PTPDC1: variants seen among roughly 807,000 people sequenced by gnomAD.
The protein encoded by PTPDC1 is protein tyrosine phosphatase domain containing 1.
PTPDC1 carries 53 observed loss-of-function variants against 75.3 expected under a neutral mutation model. That is an observed-to-expected ratio of 0.70 (90% CI 0.56 to 0.88). PTPDC1 has a LOEUF of 0.88. PTPDC1 is among the 40% of genes least tolerant of loss of function. PTPDC1 has a pLI of 0.00. For missense variants in PTPDC1, 925 were observed against 998.6 expected (o/e 0.93, Z 0.99); for synonymous variants, 349 against 366.2 (o/e 0.95, Z 0.54).
At position 94,098,165 on chromosome 9, in the gene PTPDC1, C is replaced by A; in HGVS notation, c.1599C>A (p.Ile533=). 1 of 1,614,230 alleles carries A rather than the reference C, an allele frequency of 6.2e-7. No homozygotes were observed. The highest frequency in any genetic ancestry group is 8.5e-7 in the Non-Finnish European group (1 of 1,180,042). The change falls in exon 6 of 9, where the codon ATC becomes ATA. Residue 533 remains isoleucine, a synonymous_variant. Coordinates refer to ENST00000620992, the MANE Select transcript of PTPDC1 (RefSeq NM_001253829.2). ...DNGSPIFHGR[I]IPKEAQQSGA... is the part of the protein sequence containing the mutation. ...GGTCACCAATTTTCCATGGAAGGAT[C>A]ATTCCAAAGGAAGCACAGCAGAGTG...
intron 1 of PTPDC1, among the ~76,000 whole-genome samples, chr9:94,055,496 A>G (rs1295356180): frequency 6.6e-6 from 1 of 152,214 alleles, no homozygotes; most frequent in Non-Finnish European, 1.5e-5. Context: ...TATCCAGACT[A>G]TGGAATATTA....
intron 6 of PTPDC1, chr9:94,100,978 T>C (rs1767617019): frequency 6.6e-6 from 1 of 152,228 alleles, no homozygotes. Flanking sequence ...CGGGGCTTAT[T>C]GTTAAATCCT....
chr9:94,092,524 T>C (rs892460764), intron 4 of PTPDC1, among the ~76,000 whole-genome samples: 1 of 150,372 alleles, frequency 6.7e-6, no homozygotes, highest in Non-Finnish European at 1.5e-5. Flanking sequence ...AATTTTGGAA[T>C]AGGTGTGGTG....
chr9:94,106,304 T>C (rs1587918287), intron 8 of PTPDC1, among the ~76,000 whole-genome samples: 2 of 152,200 alleles, frequency 1.3e-5, no homozygotes, highest in South Asian at 2.1e-4. Flanking sequence ...TCTTCACTAA[T>C]GTCTGGAGAG....
At chr9:94,087,073 C>T (rs1044967459) in intron 2 of PTPDC1, among the ~76,000 whole-genome samples, 1 of 152,200 alleles carries the variant, frequency 6.6e-6, no homozygotes, top group Non-Finnish European at 1.5e-5. Flanking sequence ...AACAAAATAT[C>T]TCCCAGTTGG....
chr9:94,094,517 C>T (rs1827463730), intron 4 of PTPDC1, among the ~76,000 whole-genome samples: 1 of 152,152 alleles, frequency 6.6e-6, no homozygotes, highest in South Asian at 2.1e-4. Context: ...GCAAAAGTTA[C>T]TGCTGTCTTT....
intron 2 of PTPDC1, among the ~76,000 whole-genome samples, chr9:94,068,016 T>A (rs1257695169): frequency 6.6e-6 from 1 of 152,232 alleles, no homozygotes; most frequent in Non-Finnish European, 1.5e-5. Flanking sequence ...ATTTTGCTGA[T>A]AATATCGACA....
intron 8 of PTPDC1, 144 bp from the exon 9 acceptor site, chr9:94,107,684 A>C (rs550722250): frequency 2.2e-6 from 1 of 460,408 alleles, no homozygotes; most frequent in Non-Finnish European, 3.9e-6. Context: ...CTTTCAAATA[A>C]AATGTGTGAA....
chr9:94,098,355 AG>A lies in PTPDC1; in HGVS notation c.1791del (p.Thr598HisfsTer41). 6.2e-7 allele frequency: 1 copy of A among 1,614,226 alleles called. No homozygotes were observed. The highest frequency in any genetic ancestry group is 8.5e-7 in the Non-Finnish European group (1 of 1,180,040). On this transcript the variant is annotated frameshift_variant, in exon 6 of 9. Transcript: ENST00000620992. LOFTEE classifies it high-confidence loss of function. ...CCCTGGCTCTGTCAGGCAGAACAGC[AG>A]GACACCCCGAAGCCCTCTGGACTGT... ...GSPGSVRQNS[R>X]TPRSPLDCGS...
At chr9:94,073,488 AT>A (rs1364310216) in intron 2 of PTPDC1, among the ~76,000 whole-genome samples, 1 of 151,904 alleles carries the variant, frequency 6.6e-6, no homozygotes, top group Non-Finnish European at 1.5e-5. Context: ...TCTTTTTAAA[AT>A]TTTTGTCAGT....
intron 7 of PTPDC1, 140 bp from the exon 8 acceptor site, chr9:94,104,135 A>C: frequency 1.8e-6 from 1 of 550,868 alleles, no homozygotes; most frequent in Non-Finnish European, 3.3e-6. Flanking sequence ...GTTGATGTTT[A>C]GATATTTTGT....
intron 1 of PTPDC1, among the ~76,000 whole-genome samples, chr9:94,041,921 C>CATA (rs1462167534): frequency 1.3e-5 from 2 of 152,132 alleles, no homozygotes; most frequent in African/African-American, 4.8e-5. Flanking sequence ...GTGTCAGTGA[C>CATA]CATAGGTAGG....
rs567931507 is a variant in PTPDC1 at position 94,077,220 on chromosome 9, A to G, written c.83-8031A>G. On this transcript the variant is annotated intron_variant, in intron 2 of 9. Transcript: ENST00000375360. ...ACTCAGTTTATCCTGCTACACTCTCATAACATGTTTCTGACACCAGATGTG... is the reference window on the plus strand; with the variant it reads ...ACTCAGTTTATCCTGCTACACTCTCGTAACATGTTTCTGACACCAGATGTG... 1.4e-4 allele frequency among the ~76,000 whole-genome samples: 22 copies of G among 152,384 alleles called. 1 individual carries two copies. The South Asian group carries it at 4.4e-3, about 30-fold the overall frequency.
At chr9:94,031,791 G>A (rs973688422) in intron 1 of PTPDC1, among the ~76,000 whole-genome samples, 1 of 152,098 alleles carries the variant, frequency 6.6e-6, no homozygotes, top group Non-Finnish European at 1.5e-5. Context: ...GAGGAGAGGG[G>A]GAAAATCAAG....
At chr9:94,082,332 A>G (rs1338997470), upstream of PTPDC1, among the ~76,000 whole-genome samples, 6 of 152,244 alleles carry the variant, frequency 3.9e-5, no homozygotes, top group Non-Finnish European at 8.8e-5. Context: ...CTATTGTTCT[A>G]TGACTTTAGG....
At chr9:94,074,705 A>G (rs748539471) in intron 2 of PTPDC1, among the ~76,000 whole-genome samples, 23 of 152,046 alleles carry the variant, frequency 1.5e-4, no homozygotes, top group Non-Finnish European at 3.2e-4. Flanking sequence ...ATTGATGGCA[A>G]ATGAGTGTGG....
intron 1 of PTPDC1, among the ~76,000 whole-genome samples, chr9:94,044,780 AG>A (rs1421296114): frequency 3.3e-5 from 5 of 150,824 alleles, no homozygotes; most frequent in African/African-American, 1.2e-4. Context: ...GAAGTTCAGT[AG>A]AAGTGGTGAG....
At chr9:94,093,066 A>C (rs1170869386) in intron 4 of PTPDC1, among the ~76,000 whole-genome samples, 1 of 151,928 alleles carries the variant, frequency 6.6e-6, no homozygotes, top group African/African-American at 2.4e-5. Flanking sequence ...TTTTAATTGG[A>C]GCATTTAGTC....
At chr9:94,070,538 A>G (rs1312500539) in intron 2 of PTPDC1, among the ~76,000 whole-genome samples, 11 of 152,230 alleles carry the variant, frequency 7.2e-5, no homozygotes, top group African/African-American at 2.7e-4. Flanking sequence ...AGTTTCCACC[A>G]ATAGTAGCAG....
Sources: gnomAD v4.1 joint callset for allele counts (sites outside exome capture counted in the v4.1 genomes callset) on GRCh38, gnomAD v4.1.1 for gene constraint, MANE v1.5 for transcripts, NCBI Gene and HGNC (gene_info 2026-07-23, HGNC 2026-07-21) for gene names.